NAPB: variants seen among roughly 807,000 people sequenced by gnomAD.
NAPB encodes beta-soluble NSF attachment protein.
Under a neutral mutation model 44.7 loss-of-function variants are expected in NAPB, and 26 were observed. The ratio of observed to expected loss-of-function variants is 0.58; its 90% CI spans 0.43 to 0.81. The LOEUF (loss-of-function observed/expected upper bound fraction) is 0.81, where lower values mean the gene tolerates loss of function less well. Among genes scored for constraint, NAPB ranks in the 30% least tolerant of loss-of-function variants. The pLI is 0.00. For synonymous variants in NAPB, 120 were observed against 116.8 expected, an observed-to-expected ratio of 1.03 and a Z score of -0.18; for missense variants, 315 against 356.4, an observed-to-expected ratio of 0.88 and a Z score of 0.94.
intron 1 of NAPB, among the ~76,000 whole-genome samples, chr20:23,421,041 A>G (rs1229052870): frequency 1.4e-5 from 2 of 143,144 alleles, no homozygotes; most frequent in African/African-American, 2.7e-5. Flanking sequence ...CCCTGGGAGG[A>G]TGCGGGGTTT....
chr20:23,414,060 T>A (rs1021861420), intron 1 of NAPB, among the ~76,000 whole-genome samples: 4 of 152,218 alleles, frequency 2.6e-5, no homozygotes, highest in African/African-American at 9.6e-5. Context: ...CAGTGGCTCA[T>A]GCCTGTAATC....
At chr20:23,382,010 G>T (rs1251019240) in intron 7 of NAPB, among the ~76,000 whole-genome samples, 1 of 152,138 alleles carries the variant, frequency 6.6e-6, no homozygotes, top group East Asian at 1.9e-4. Flanking sequence ...CCAACCCCCT[G>T]ACACTAAGGC....
At chr20:23,416,303 A>G (rs570476525) in intron 1 of NAPB, among the ~76,000 whole-genome samples, 1 of 152,348 alleles carries the variant, frequency 6.6e-6, no homozygotes, top group South Asian at 2.1e-4. Flanking sequence ...GAAAAAGGCC[A>G]GTCTGGTAAC....
chr20:23,379,990 C>CAG, intron 8 of NAPB, 55 bp from the exon 9 acceptor site: 2 of 1,432,544 alleles, frequency 1.4e-6, no homozygotes, highest in Admixed American at 3.4e-5. Flanking sequence ...ACAAAGCTTT[C>CAG]AACATTCTAT....
At chr20:23,417,268 G>C (rs776268758) in intron 1 of NAPB, among the ~76,000 whole-genome samples, 38 of 152,088 alleles carry the variant, frequency 2.5e-4, no homozygotes, top group Non-Finnish European at 4.6e-4. Flanking sequence ...ATTTTTAGTA[G>C]AGACGGGGTT....
At chr20:23,398,646 G>A (rs990663996) in intron 2 of NAPB, among the ~76,000 whole-genome samples, 5 of 152,066 alleles carry the variant, frequency 3.3e-5, no homozygotes, top group Admixed American at 6.5e-5. Context: ...TTCGAGACCA[G>A]CCTGGCCTGA....
intron 8 of NAPB, among the ~76,000 whole-genome samples, chr20:23,380,286 G>A (rs149437136): frequency 1.1e-3 from 162 of 152,244 alleles, no homozygotes; most frequent in African/African-American, 3.5e-3. Flanking sequence ...CTTCCTGCTC[G>A]AAGCTGACAG....
Position 23,408,975 on chromosome 20 carries a change from C to T in NAPB, c.99-5903G>A, listed in dbSNP as rs8125670. Among the ~76,000 whole-genome samples the T allele has an allele frequency of 6.5e-3, 987 of 152,322 alleles. 16 individuals carry two copies. Among genetic ancestry groups the T allele is most frequent in the African/African-American group, 0.021 (882 of 41,568 alleles). ...TAATTTGAATTCTTACAGCAAAAGGCAGCATTTAAATGTTTCACTGTTCTT... is the reference window on the plus strand; with the variant it reads ...TAATTTGAATTCTTACAGCAAAAGGTAGCATTTAAATGTTTCACTGTTCTT... On this transcript the variant is annotated intron_variant, in intron 1 of 10. Coordinates refer to ENST00000377026, the MANE Select transcript of NAPB (RefSeq NM_022080.3).
chr20:23,414,328 AT>A (rs532911833), intron 1 of NAPB, among the ~76,000 whole-genome samples: 15 of 152,338 alleles, frequency 9.8e-5, no homozygotes, highest in Non-Finnish European at 1.9e-4. Context: ...TCGCAAAAAA[AT>A]AAACAAATAA....
At chr20:23,401,556 T>C (rs1029079612) in intron 2 of NAPB, among the ~76,000 whole-genome samples, 3 of 152,124 alleles carry the variant, frequency 2.0e-5, no homozygotes, top group African/African-American at 7.2e-5. Context: ...TTCCAAAGGT[T>C]AGAATACCTC....
At chr20:23,404,381 G>A (rs952745752) in intron 1 of NAPB, among the ~76,000 whole-genome samples, 5 of 152,158 alleles carry the variant, frequency 3.3e-5, no homozygotes, top group African/African-American at 7.2e-5. Context: ...GTGCACACAC[G>A]TGTTAGGAAC....
chr20:23,420,113 A>G (rs544388503), intron 1 of NAPB, among the ~76,000 whole-genome samples: 2 of 152,342 alleles, frequency 1.3e-5, no homozygotes, highest in Admixed American at 6.5e-5. Flanking sequence ...ACAGGCACAC[A>G]CAAAATTTCT....
chr20:23,384,782 T>C (rs1378949964), intron 7 of NAPB, among the ~76,000 whole-genome samples: 1 of 152,060 alleles, frequency 6.6e-6, no homozygotes, highest in Non-Finnish European at 1.5e-5. Context: ...GTGAATGACC[T>C]AAATACACCA....
intron 7 of NAPB, among the ~76,000 whole-genome samples, chr20:23,381,812 C>T (rs1288089168): frequency 6.6e-6 from 1 of 152,172 alleles, no homozygotes; most frequent in Non-Finnish European, 1.5e-5. Context: ...AGAGAAAACA[C>T]TTAGACAATA....
In NAPB at chr20:23,395,017, A is replaced by G. The variant is rs1984246615; in HGVS notation, c.343-18T>C. On this transcript the variant is annotated intron_variant, in intron 4 of 10. Coordinates refer to ENST00000377026, the MANE Select transcript of NAPB (RefSeq NM_022080.3). ...AACCTTCCCTAGGGGAAAAAACAAG[A>G]AACAGTCACACACCGATTTTACCTA... The G allele has an allele frequency of 1.9e-6, 3 of 1,613,962 alleles. No homozygotes were observed. The highest frequency in any genetic ancestry group is 2.5e-6 in the Non-Finnish European group (3 of 1,179,786).
chr20:23,400,972 A>T (rs963319073), intron 2 of NAPB, among the ~76,000 whole-genome samples: 6 of 152,130 alleles, frequency 3.9e-5, no homozygotes, highest in Non-Finnish European at 8.8e-5. Context: ...TGGTGATAAC[A>T]GTGTTGGAGA....
intron 7 of NAPB, among the ~76,000 whole-genome samples, 192 bp downstream of exon 7, chr20:23,389,754 T>C (rs74705559): frequency 0.02 from 2,980 of 152,296 alleles, 99 homozygotes; most frequent in African/African-American, 0.067. Flanking sequence ...TGGGCTTCTT[T>C]TGGGGATGAT....
chr20:23,415,650 T>C (rs1985952875), intron 1 of NAPB, among the ~76,000 whole-genome samples: 1 of 152,004 alleles, frequency 6.6e-6, no homozygotes, highest in Admixed American at 6.6e-5. Context: ...ACAGCTACAA[T>C]GTTCATAATA....
chr20:23,420,435 G>T (rs1295538504), intron 1 of NAPB, among the ~76,000 whole-genome samples: 1 of 152,150 alleles, frequency 6.6e-6, no homozygotes, highest in Non-Finnish European at 1.5e-5. Flanking sequence ...CAAGGCCCCT[G>T]GAGAGAGGCC....
Sources: gnomAD v4.1 joint callset for allele counts (sites outside exome capture counted in the v4.1 genomes callset) on GRCh38, gnomAD v4.1.1 for gene constraint, MANE v1.5 for transcripts, NCBI Gene and HGNC (gene_info 2026-07-23, HGNC 2026-07-21) for gene names.